Variants in ESCO2 observed in about 807,000 individuals in gnomAD.
ESCO2 encodes the protein N-acetyltransferase ESCO2.
Under a neutral mutation model 61.7 loss-of-function variants are expected in ESCO2, and 51 were observed. The ratio of observed to expected loss-of-function variants is 0.83; its 90% CI spans 0.66 to 1.04. The LOEUF (loss-of-function observed/expected upper bound fraction) is 1.04, where lower values mean the gene tolerates loss of function less well. ESCO2 is among the 50% of genes least tolerant of loss of function. The pLI is 0.00. For missense variants in ESCO2, 692 were observed against 686.2 expected (o/e 1.01, Z -0.09); for synonymous variants, 230 against 238.2 (o/e 0.97, Z 0.32).
intron 6 of ESCO2, 61 bp from the exon 7 acceptor site, chr8:27,788,786 T>G: frequency 2.5e-6 from 4 of 1,604,884 alleles, no homozygotes; most frequent in Non-Finnish European, 3.4e-6. Flanking sequence ...TTATAGGAAC[T>G]TAATTTAGAG....
At chr8:27,799,455 T>C (rs916353123) in intron 9 of ESCO2, 86 bp from the exon 10 acceptor site, 5 of 1,347,728 alleles carry the variant, frequency 3.7e-6, no homozygotes, top group Non-Finnish European at 5.3e-6. Context: ...AGTTAAATTT[T>C]TGATACTTAT....
chr8:27,786,827 CTGT>C (rs1488533104), intron 5 of ESCO2, among the ~76,000 whole-genome samples: 4 of 108,518 alleles, frequency 3.7e-5, no homozygotes, highest in Non-Finnish European at 7.7e-5. Flanking sequence ...TTTTTTTTTC[CTGT>C]TGTTTGAACT....
intron 8 of ESCO2, 117 bp downstream of exon 8, chr8:27,792,169 TA>T: frequency 1.1e-6 from 1 of 927,438 alleles, no homozygotes; most frequent in Non-Finnish European, 1.7e-6. Context: ...GCTTAATGAT[TA>T]CTTTCATAGC....
At chr8:27,788,029 C>T in intron 6 of ESCO2, 27 bp downstream of exon 6, 2 of 1,526,692 alleles carry the variant, frequency 1.3e-6, no homozygotes, top group Non-Finnish European at 1.8e-6. Context: ...CAAAGCTTCT[C>T]CTATCTAGCC....
chr8:27,781,510 T>A (rs1342011587), intron 4 of ESCO2, among the ~76,000 whole-genome samples: 1 of 151,856 alleles, frequency 6.6e-6, no homozygotes, highest in Admixed American at 6.6e-5. Context: ...ATTCTTAACA[T>A]CTTATGTTAT....
At chr8:27,810,886 G>A (rs1394261357), downstream of ESCO2, 1 of 1,012,962 alleles carries the variant, frequency 9.9e-7, no homozygotes. Context: ...ACATATCTTA[G>A]AAAGATAAAA....
chr8:27,806,541 A>G, downstream of ESCO2, among the ~76,000 whole-genome samples: 1 of 151,752 alleles, frequency 6.6e-6, no homozygotes, highest in East Asian at 1.9e-4. Flanking sequence ...GCCTGTTGGG[A>G]TTTTATTGGA....
chr8:27,792,084 T>C, intron 8 of ESCO2, 32 bp downstream of exon 8: 1 of 1,606,796 alleles, frequency 6.2e-7, no homozygotes, highest in Non-Finnish European at 8.5e-7. Context: ...TCTCTTGCCT[T>C]TCCCCACCCC....
Position 27,787,902 on chromosome 8 carries a change from A to C in ESCO2, c.1031A>C (p.Gln344Pro), listed in dbSNP as rs143346057. The C allele has an allele frequency of 9.5e-4, 1,528 of 1,613,066 alleles. 1 individual carries two copies. The highest frequency in any genetic ancestry group is 1.2e-3 in the Non-Finnish European group (1,461 of 1,179,268). The change falls in exon 6 of 11, where the codon CAG becomes CCG. Residue 344 changes from glutamine (Q) to proline (P), a missense_variant. Physicochemically the swap from Gln to Pro is moderately conservative, Grantham distance 76. Coordinates refer to ENST00000305188, the MANE Select transcript of ESCO2 (RefSeq NM_001017420.3). ...VNSKRSLGEEQFSVGSVNFMK... is the reference protein window; with the variant it reads ...VNSKRSLGEEPFSVGSVNFMK... ...GTGTCAAGATCTTTAGGTGAAGAAC[A>C]GTTTTCTGTGGGATCTGTCAACTTC...
At chr8:27,797,340 C>T (rs1490872606) in intron 9 of ESCO2, among the ~76,000 whole-genome samples, 1 of 152,032 alleles carries the variant, frequency 6.6e-6, no homozygotes, top group African/African-American at 2.4e-5. Context: ...CCTTCTTTGT[C>T]TCTTGATGGT....
At position 27,803,579 on chromosome 8, in the gene ESCO2, T is replaced by G; in HGVS notation, c.*141T>G. The G allele has an allele frequency of 8.7e-7, 1 of 1,146,842 alleles. No individual in the cohort carries two copies. The allele number at this position is 1,146,842 out of a possible 1,614,324, so 71.0% of individuals were successfully genotyped here. A position where few individuals can be genotyped will look rare whatever the true frequency, so the allele number is the denominator to read the frequency against. On this transcript the variant is annotated 3_prime_UTR_variant, in exon 11 of 11. Transcript: ENST00000305188. ...ACACACACACACACGCACACACACA[T>G]ATCACAGTTTTGTTCCTTATGAGTT... is the stretch of plus-strand genomic sequence containing the variant.
intron 5 of ESCO2, among the ~76,000 whole-genome samples, chr8:27,784,979 T>G (rs1805005570): frequency 6.6e-6 from 1 of 152,242 alleles, no homozygotes; most frequent in African/African-American, 2.4e-5. Flanking sequence ...TTTCATGACC[T>G]TTTATTGAAG....
intron 4 of ESCO2, among the ~76,000 whole-genome samples, chr8:27,782,672 A>G (rs34858968): frequency 0.26 from 39,329 of 150,442 alleles, 6,141 homozygotes; most frequent in Middle Eastern, 0.35. Flanking sequence ...TATATTTTCA[A>G]TTTTTTCCCT....
chr8:27,802,656 T>TTATA (rs1286592627), intron 10 of ESCO2, among the ~76,000 whole-genome samples: 4 of 63,568 alleles, frequency 6.3e-5, no homozygotes, highest in African/African-American at 2.1e-4. Flanking sequence ...TATATATATA[T>TTATA]TATATATATA....
At chr8:27,772,756 G>T, upstream of ESCO2, 1 of 563,400 alleles carries the variant, frequency 1.8e-6, no homozygotes, top group Non-Finnish European at 3.2e-6. Flanking sequence ...TGATTTGTGG[G>T]TTAAGGGAAA....
At chr8:27,786,398 G>A (rs1321133827) in intron 5 of ESCO2, among the ~76,000 whole-genome samples, 1 of 152,182 alleles carries the variant, frequency 6.6e-6, no homozygotes, top group Non-Finnish European at 1.5e-5. Context: ...GGCTTCAAAT[G>A]TGCCTATAGA....
chr8:27,786,784 CTTTT>C (rs11305882), intron 5 of ESCO2, among the ~76,000 whole-genome samples: 2 of 105,740 alleles, frequency 1.9e-5, no homozygotes, highest in African/African-American at 7.2e-5. Flanking sequence ...AATGCTCCAC[CTTTT>C]TTTTTTTTTT....
chr8:27,814,860 C>T (rs574253166), downstream of ESCO2, among the ~76,000 whole-genome samples: 1 of 152,114 alleles, frequency 6.6e-6, no homozygotes, highest in Non-Finnish European at 1.5e-5. Flanking sequence ...AACAAATATA[C>T]TCTATGATTC....
At position 27,802,473 on chromosome 8, in the gene ESCO2, G is replaced by C. The variant is rs1239610636; in HGVS notation, c.1674-833G>C. Among the ~76,000 whole-genome samples the C allele has an allele frequency of 1.0e-4, 15 of 149,300 alleles. No homozygotes were observed. In the East Asian group the frequency reaches 2.0e-3, roughly 20 times the overall value. On this transcript the variant is annotated intron_variant, in intron 10 of 10. Coordinates refer to ENST00000305188, the MANE Select transcript of ESCO2 (RefSeq NM_001017420.3). Reference sequence around the variant, plus strand: ...AAATACCAAATTAGCCGGGTGTGGTGGTGCATGCCTGTAATCCCAGCTACT... The same window carrying C: ...AAATACCAAATTAGCCGGGTGTGGTCGTGCATGCCTGTAATCCCAGCTACT...
Sources: gnomAD v4.1 joint callset for allele counts (sites outside exome capture counted in the v4.1 genomes callset) on GRCh38, gnomAD v4.1.1 for gene constraint, MANE v1.5 for transcripts, NCBI Gene and HGNC (gene_info 2026-07-23, HGNC 2026-07-21) for gene names.